Variants in SLC22A25 observed in about 807,000 individuals in gnomAD.
SLC22A25 encodes MGI:2442751, MGI:2385316, MGI:3042283, MGI:3645714, MGI:3605624, MGI:2442750.
Under a neutral mutation model 45.9 loss-of-function variants are expected in SLC22A25, and 44 were observed. The observed-to-expected ratio is 0.96, with a 90% confidence interval of 0.75 to 1.23. The LOEUF (loss-of-function observed/expected upper bound fraction) is 1.23. SLC22A25 is among the 50% of genes most tolerant of loss of function. The pLI is 0.00. For missense variants in SLC22A25, 800 were observed against 666.4 expected, an observed-to-expected ratio of 1.20 and a Z score of -2.21; for synonymous variants, 283 against 238.6, an observed-to-expected ratio of 1.19 and a Z score of -1.72.
chr11:63,211,969 A>T (rs1353806127), intron 7 of SLC22A25, among the ~76,000 whole-genome samples: 1 of 151,818 alleles, frequency 6.6e-6, no homozygotes, highest in East Asian at 1.9e-4. Context: ...ACAAATTTAC[A>T]AGAAAAAAAC....
In SLC22A25 at chr11:63,163,886, G is replaced by C. The variant is rs747855832; in HGVS notation, c.1582C>G (p.Gln528Glu). 6.2e-7 allele frequency: 1 copy of C among 1,613,888 alleles called. No homozygotes were observed. The highest frequency in any genetic ancestry group is 8.5e-7 in the Non-Finnish European group (1 of 1,179,902). ...TTTACTCCCTCATTTTCCACATCCT[G>C]GATGCTGTCAAGAAGAGGCTGGTTC... ...TRNQPLLDSI[Q>E]DVENEGVNSL... is the part of the protein sequence containing the mutation. Residue 528 changes from glutamine to glutamate, a missense_variant, in exon 12 of 12, where the codon CAG becomes GAG. Transcript: ENST00000306494.
chr11:63,202,958 G>A (rs887426082), intron 7 of SLC22A25, among the ~76,000 whole-genome samples: 1 of 152,192 alleles, frequency 6.6e-6, no homozygotes, highest in African/African-American at 2.4e-5. Context: ...TCCAGAGGAA[G>A]GAGCAGGCAG....
At chr11:63,190,319 T>C (rs1296620516) in intron 7 of SLC22A25, among the ~76,000 whole-genome samples, 1 of 152,222 alleles carries the variant, frequency 6.6e-6, no homozygotes, top group Non-Finnish European at 1.5e-5. Flanking sequence ...TGATACCCTT[T>C]CTTCCAGTTG....
chr11:63,210,976 TAA>T (rs2089542428), intron 7 of SLC22A25, among the ~76,000 whole-genome samples: 2 of 152,232 alleles, frequency 1.3e-5, no homozygotes, highest in South Asian at 4.1e-4. Context: ...ATAGAGGTGC[TAA>T]AGGCAATGGG....
intron 9 of SLC22A25, among the ~76,000 whole-genome samples, chr11:63,169,313 T>C (rs2087794726): frequency 6.6e-6 from 1 of 152,168 alleles, no homozygotes; most frequent in Admixed American, 6.5e-5. Context: ...AAATTAAACA[T>C]AACAATGTTA....
At chr11:63,228,634 A>G (rs1448465243) in intron 4 of SLC22A25, 70 bp from the exon 5 acceptor site, 12 of 1,141,158 alleles carry the variant, frequency 1.1e-5, no homozygotes, top group Non-Finnish European at 1.5e-5. Flanking sequence ...AATGTCTTAA[A>G]ATAGCCTGCA....
intron 3 of SLC22A25, among the ~76,000 whole-genome samples, chr11:63,235,762 A>G (rs548865461): frequency 2.6e-5 from 4 of 151,844 alleles, no homozygotes; most frequent in Middle Eastern, 3.2e-3. Flanking sequence ...TTTTTTCCCC[A>G]TCTTTGTGGT....
intron 7 of SLC22A25, among the ~76,000 whole-genome samples, chr11:63,187,906 T>C: frequency 6.6e-6 from 1 of 152,220 alleles, no homozygotes; most frequent in Non-Finnish European, 1.5e-5. Context: ...CACTTGATCA[T>C]GTTGGATAAG....
At chr11:63,193,172 A>G (rs2134758745) in intron 7 of SLC22A25, among the ~76,000 whole-genome samples, 1 of 152,342 alleles carries the variant, frequency 6.6e-6, no homozygotes, top group Middle Eastern at 3.4e-3. Context: ...AATCAAGACA[A>G]GAGATTGTTC....
chr11:63,159,388 C>G lies in SLC22A25; in HGVS notation c.*4436G>C, dbSNP rs753834770. Reference sequence around the variant, plus strand: ...AGGTAATTGAATCATGGGGCCAGGTCTTTCCCGTGCTATTCTTGTGATACT... The same window carrying G: ...AGGTAATTGAATCATGGGGCCAGGTGTTTCCCGTGCTATTCTTGTGATACT... On this transcript the variant is annotated 3_prime_UTR_variant, in exon 12 of 12. Transcript: ENST00000306494. Among the ~76,000 whole-genome samples, 35 of 152,098 alleles carry G rather than the reference C, an allele frequency of 2.3e-4. No homozygotes were observed. The highest frequency in any genetic ancestry group is 4.3e-4 in the Non-Finnish European group (29 of 68,030).
At chr11:63,218,474 C>A (rs1236031456) in intron 5 of SLC22A25, among the ~76,000 whole-genome samples, 1 of 152,118 alleles carries the variant, frequency 6.6e-6, no homozygotes, top group Non-Finnish European at 1.5e-5. Flanking sequence ...ATGTAACAAA[C>A]CTGCACATGC....
chr11:63,180,552 T>C lies in SLC22A25; in HGVS notation c.1070+108A>G, dbSNP rs78321566. ...AGCAATTCTCTTTATGGATTTATCA[T>C]CTTTTATCCCCCAAATATTTTCCTT... is the stretch of plus-strand genomic sequence containing the variant. On this transcript the variant is annotated intron_variant, in intron 9 of 11. Transcript: ENST00000306494. 743 of 753,038 alleles carry C rather than the reference T, an allele frequency of 9.9e-4. 3 individuals carry two copies. The African/African-American group carries it at 0.012, about 12-fold the overall frequency. The allele number at this position is 753,038 out of a possible 1,614,324, so 46.6% of individuals were successfully genotyped here.
At chr11:63,231,189 T>C (rs2134845618) in intron 3 of SLC22A25, among the ~76,000 whole-genome samples, 1 of 152,336 alleles carries the variant, frequency 6.6e-6, no homozygotes, top group South Asian at 2.1e-4. Flanking sequence ...CTGGGTCAAA[T>C]GGTATTTCTA....
intron 7 of SLC22A25, among the ~76,000 whole-genome samples, chr11:63,185,018 C>T (rs1328466010): frequency 6.6e-6 from 1 of 152,118 alleles, no homozygotes; most frequent in Non-Finnish European, 1.5e-5. Flanking sequence ...AGCTAAAAAT[C>T]ATGTAACACA....
At chr11:63,234,332 A>T (rs954607257) in intron 3 of SLC22A25, among the ~76,000 whole-genome samples, 1 of 152,144 alleles carries the variant, frequency 6.6e-6, no homozygotes, top group Non-Finnish European at 1.5e-5. Flanking sequence ...TGTATTGGGC[A>T]CATATATATT....
At chr11:63,189,883 T>G (rs943970371) in intron 7 of SLC22A25, among the ~76,000 whole-genome samples, 1 of 152,226 alleles carries the variant, frequency 6.6e-6, no homozygotes, top group African/African-American at 2.4e-5. Flanking sequence ...CCCACTCTCT[T>G]CTGGCTTGTA....
chr11:63,177,839 G>GTATATATATATGATGTATATATATAA (rs2088152747), intron 9 of SLC22A25, among the ~76,000 whole-genome samples: 1 of 51,762 alleles, frequency 1.9e-5, no homozygotes, highest in Non-Finnish European at 3.7e-5. Flanking sequence ...TATATAATGT[G>GTATATATATATGATGTATATATATAA]TATATATATA....
At chr11:63,183,529 T>C (rs764364894) in intron 8 of SLC22A25, among the ~76,000 whole-genome samples, 165 bp downstream of exon 8, 15 of 152,138 alleles carry the variant, frequency 9.9e-5, no homozygotes, top group Non-Finnish European at 2.2e-4. Context: ...GATATTCTCT[T>C]TCAATGTTAA....
rs1285736694 is a variant in SLC22A25, at chr11:63,186,299, T to G, written c.831-2482A>C. On this transcript the variant is annotated intron_variant, in intron 7 of 11. Coordinates refer to ENST00000306494, the MANE Select transcript of SLC22A25 (RefSeq NM_199352.6). ...TTGCATTTCTCTGATGGCCAGTGAT[T>G]ATGAGCATTTTTTCCTGTGTCTTTT... Among the ~76,000 whole-genome samples, 183 of 150,864 alleles carry G rather than the reference T, an allele frequency of 1.2e-3. 1 individual carries two copies. The highest frequency in any genetic ancestry group is 3.8e-3 in the African/African-American group (157 of 41,136).
Sources: allele counts gnomAD v4.1 joint callset (sites outside exome capture counted in the v4.1 genomes callset), GRCh38; gene constraint gnomAD v4.1.1; transcripts MANE v1.5; gene names NCBI Gene and HGNC (gene_info 2026-07-23, HGNC 2026-07-21).